Variants in C1QTNF8 observed in about 807,000 individuals in gnomAD.
C1QTNF8 encodes the protein complement C1q tumor necrosis factor-related protein 8.
C1QTNF8 carries 27 observed loss-of-function variants against 19.2 expected under a neutral mutation model. The ratio of observed to expected loss-of-function variants is 1.41; its 90% CI spans 1.04 to 1.94. The LOEUF (loss-of-function observed/expected upper bound fraction) is 1.94. Ranked by LOEUF, C1QTNF8 falls within the 30% of genes most tolerant of loss-of-function variation. C1QTNF8 has a pLI of 0.00. For synonymous variants in C1QTNF8, 208 were observed against 172.8 expected, an observed-to-expected ratio of 1.20 and a Z score of -1.60; for missense variants, 484 against 374.4, an observed-to-expected ratio of 1.29 and a Z score of -2.42.
chr16:1,094,951 G>A lies in C1QTNF8; in HGVS notation c.-11-18C>T. The A allele has an allele frequency of 8.8e-7, 1 of 1,135,024 alleles. No individual in the cohort carries two copies. The highest frequency in any genetic ancestry group is 2.8e-5 in the South Asian group (1 of 35,234). 70.3% of individuals were successfully genotyped at this position (1,135,024 alleles called of 1,614,324 possible). On this transcript the variant is annotated intron_variant, in intron 2 of 4. Transcript: ENST00000328449. ...GGCCAGGGCTGGGGGAGAGGAAAGA[G>A]GGGAGGGACTGAGAAGGAGGTGCCC...
chr16:1,094,502 C>T (rs919256030), intron 3 of C1QTNF8: 1 of 501,438 alleles, frequency 2.0e-6, no homozygotes, highest in Non-Finnish European at 3.5e-6. Flanking sequence ...ATCCTCAGCA[C>T]CCCACTTTGG....
At position 1,089,924 on chromosome 16, in the gene C1QTNF8, C is replaced by G. The variant is rs1384864658; in HGVS notation, c.*675G>C. On this transcript the variant is annotated 3_prime_UTR_variant, in exon 5 of 5. Coordinates refer to ENST00000328449, the MANE Select transcript of C1QTNF8 (RefSeq NM_207419.3). Reference sequence around the variant, plus strand: ...CGACCCCTGCCGGTTGCCGGGCGCCCTGGGTGTGTCCCGCTATCCCAGCCA... The same window carrying G: ...CGACCCCTGCCGGTTGCCGGGCGCCGTGGGTGTGTCCCGCTATCCCAGCCA... 1.3e-5 allele frequency: 2 copies of G among 152,370 alleles called. No homozygotes were observed. The highest frequency in any genetic ancestry group is 4.8e-5 in the African/African-American group (2 of 41,464). The allele number at this position is 152,370 out of a possible 1,614,324, so 9.4% of individuals were successfully genotyped here. A position where few individuals can be genotyped will look rare whatever the true frequency, so the allele number is the denominator to read the frequency against.
At chr16:1,091,571 G>A (rs1000610770) in intron 4 of C1QTNF8, among the ~76,000 whole-genome samples, 5 of 152,138 alleles carry the variant, frequency 3.3e-5, no homozygotes, top group African/African-American at 1.2e-4. Flanking sequence ...CTTGCCTGGA[G>A]GGACCGACCC....
rs892211942 is a variant in C1QTNF8 at position 1,088,837 on chromosome 16, G to A, written c.*1762C>T. The stretch of plus-strand genomic sequence containing the variant: ...TGACCCCTGCTGCTTCTTAGTATCC[G>A]CAGCTGCAACTACCTATAGGCCACG... On this transcript the variant is annotated 3_prime_UTR_variant, in exon 5 of 5. Coordinates refer to ENST00000328449, the MANE Select transcript of C1QTNF8 (RefSeq NM_207419.3). Among the ~76,000 whole-genome samples, 6 of 152,182 alleles carry A rather than the reference G, an allele frequency of 3.9e-5. No homozygotes were observed. Among genetic ancestry groups the A allele is most frequent in the African/African-American group, 9.7e-5 (4 of 41,438 alleles).
At chr16:1,092,525 A>G (rs1960571213) in intron 4 of C1QTNF8, among the ~76,000 whole-genome samples, 2 of 128,834 alleles carry the variant, frequency 1.6e-5, no homozygotes, top group African/African-American at 6.2e-5. Flanking sequence ...CGCTCAACCA[A>G]TCACAGCACA....
intron 3 of C1QTNF8, 107 bp from the exon 4 acceptor site, chr16:1,094,158 A>C: frequency 3.3e-6 from 3 of 900,226 alleles, no homozygotes; most frequent in Non-Finnish European, 4.5e-6. Flanking sequence ...GTAAGGACAC[A>C]CTCTTTGCAA....
chr16:1,093,598 A>G lies in C1QTNF8; in HGVS notation c.662T>C (p.Met221Thr). 1.9e-6 allele frequency: 3 copies of G among 1,602,872 alleles called. No individual in the cohort carries two copies. Among genetic ancestry groups the G allele is most frequent in the Non-Finnish European group, 2.6e-6 (3 of 1,175,080 alleles). Residue 221 changes from methionine (M) to threonine (T), a missense_variant, in exon 4 of 5, where the codon ATG (methionine) becomes ACG (threonine). Coordinates refer to ENST00000328449, the MANE Select transcript of C1QTNF8 (RefSeq NM_207419.3). ...GGCGTTGTCCCGGTCGCGCTGGAAC[A>G]TGCGCACCCAGACGGCGTCGCCCGC... ...LAAGDAVWVR[M>T]FQRDRDNAIY...
chr16:1,094,091 T>G (rs1279172845), intron 3 of C1QTNF8, 40 bp from the exon 4 acceptor site: 1 of 1,377,054 alleles, frequency 7.3e-7, no homozygotes, highest in African/African-American at 1.5e-5. Flanking sequence ...GGGGCCGGGC[T>G]GGGCAGGCCT....
At chr16:1,093,399 C>A in intron 4 of C1QTNF8, 98 bp downstream of exon 4, 1 of 614,034 alleles carries the variant, frequency 1.6e-6, no homozygotes, top group Non-Finnish European at 2.5e-6. Context: ...CCCACACCCA[C>A]CCACACACAC....
chr16:1,092,548 AATCAATCCCTGCACACAGTCGGCG>A, intron 4 of C1QTNF8, among the ~76,000 whole-genome samples: 2 of 125,178 alleles, frequency 1.6e-5, no homozygotes, highest in Admixed American at 7.5e-5. Flanking sequence ...GTCGGCGCTC[AATCAATCCCTGCACACAGTCGGCG>A]CTCAACCAAT....
In C1QTNF8 at chr16:1,089,275, G is replaced by A. The variant is rs1479981400; in HGVS notation, c.*1324C>T. Reference sequence around the variant, plus strand: ...CAAGAACCTCTGCATGGCCAGCCGGGACCCCCACCCCCAGCAGCCCATACC... The same window carrying A: ...CAAGAACCTCTGCATGGCCAGCCGGAACCCCCACCCCCAGCAGCCCATACC... On this transcript the variant is annotated 3_prime_UTR_variant, in exon 5 of 5. Transcript: ENST00000328449. Among the ~76,000 whole-genome samples, 1 of 152,098 alleles carries A rather than the reference G, an allele frequency of 6.6e-6. No homozygotes were observed. The highest frequency in any genetic ancestry group is 2.4e-5 in the African/African-American group (1 of 41,416).
chr16:1,094,082 G>A, intron 3 of C1QTNF8, 31 bp from the exon 4 acceptor site: 4 of 1,392,962 alleles, frequency 2.9e-6, no homozygotes, highest in Non-Finnish European at 3.7e-6. Context: ...CCACGGGTCG[G>A]GGCCGGGCTG....
chr16:1,096,113 C>T (rs1056683850), intron 1 of C1QTNF8, 43 bp downstream of exon 1: 1 of 152,356 alleles, frequency 6.6e-6, no homozygotes, highest in African/African-American at 2.4e-5. Flanking sequence ...CAACCAGCCC[C>T]AGGCCCTGTG....
rs760708755 is a variant in C1QTNF8 at position 1,093,802 on chromosome 16, G to A, written c.458C>T (p.Ala153Val). ...GGGCACCGTGCAGAGGAAGCGGCCCGCGGCCAGGTCGAAGGCGCCGTCCAG... is the reference window on the plus strand; with the variant it reads ...GGGCACCGTGCAGAGGAAGCGGCCCACGGCCAGGTCGAAGGCGCCGTCCAG... ...VNLDGAFDLA[A>V]GRFLCTVPGV... is the part of the protein sequence containing the mutation. Residue 153 changes from alanine (A) to valine (V), a missense_variant, in exon 4 of 5, where the codon GCG becomes GTG. Coordinates refer to ENST00000328449, the MANE Select transcript of C1QTNF8 (RefSeq NM_207419.3). 3.7e-6 allele frequency: 6 copies of A among 1,611,046 alleles called. No individual in the cohort carries two copies. The South Asian group carries it at 4.4e-5, about 12-fold the overall frequency.
chr16:1,088,698 G>A lies in C1QTNF8; in HGVS notation c.*1901C>T, dbSNP rs933463211. Among the ~76,000 whole-genome samples, 1 of 131,864 alleles carries A rather than the reference G, an allele frequency of 7.6e-6. No individual in the cohort carries two copies. Among genetic ancestry groups the A allele is most frequent in the African/African-American group, 3.0e-5 (1 of 32,984 alleles). The allele number at this position is 131,864 out of a possible 152,430, so 86.5% of individuals were successfully genotyped here. A position where few individuals can be genotyped will look rare whatever the true frequency, so the allele number is the denominator to read the frequency against. On this transcript the variant is annotated 3_prime_UTR_variant, in exon 5 of 5. Transcript: ENST00000328449. ...GCTCTCACAGGCATCTCCCCACCCC[G>A]GTTCTCTGAGAACCAGGGTCGCCAC... is the stretch of plus-strand genomic sequence containing the variant.
chr16:1,093,822 G>A lies in C1QTNF8; in HGVS notation c.438C>T (p.Asp146=), dbSNP rs764937370. ...GGCCCGCGGCCAGGTCGAAGGCGCC[G>A]TCCAGGTTCACCAGCTCCGTGTCGA... The part of the protein sequence containing the change: ...VPFDTELVNL[D]GAFDLAAGRF... Residue 146 remains aspartate (D), a synonymous_variant, in exon 4 of 5, where the codon GAC becomes GAT. Transcript: ENST00000328449. 3 of 1,609,368 alleles carry A rather than the reference G, an allele frequency of 1.9e-6. No individual in the cohort carries two copies. Among genetic ancestry groups the A allele is most frequent in the East Asian group, 4.5e-5 (2 of 44,866 alleles).
chr16:1,093,779 G>C lies in C1QTNF8; in HGVS notation c.481C>G (p.Pro161Ala). 1.2e-6 allele frequency: 2 copies of C among 1,612,066 alleles called. No individual in the cohort carries two copies. The change falls in exon 4 of 5, where the codon CCC (proline) becomes GCC (alanine). Residue 161 changes from proline (P) to alanine (A), a missense_variant. Pro to Ala is a conservative substitution (Grantham distance 27). Transcript: ENST00000328449. ...LAAGRFLCTV[P>A]GVYFLSLNVH... ...TTGAGGCTGAGGAAGTAGACGCCGG[G>C]CACCGTGCAGAGGAAGCGGCCCGCG...
rs1395767554 is a variant in C1QTNF8 at position 1,088,348 on chromosome 16, T to A, written c.*2251A>T. ...AGGGATGTCCCCGCGGGAAGCCGCG[T>A]TCCCCAGTCCCTTCCTGTGCGGTTG... On this transcript the variant is annotated 3_prime_UTR_variant, in exon 5 of 5. Transcript: ENST00000328449. Among the ~76,000 whole-genome samples the A allele has an allele frequency of 6.6e-6, 1 of 152,206 alleles. No homozygotes were observed. Among genetic ancestry groups the A allele is most frequent in the Non-Finnish European group, 1.5e-5 (1 of 68,028 alleles).
rs778673645 is a variant in C1QTNF8, at chr16:1,093,704, G to A, written c.556C>T (p.Arg186Trp). 3.7e-6 allele frequency: 6 copies of A among 1,611,630 alleles called. No homozygotes were observed. In the South Asian group the frequency reaches 6.6e-5, roughly 18 times the overall value. ...GCGTAGAGCACGGCCGCGGGCCGCC[G>A]GTTCAGCATGATGTGCAGGTAGGTC... ...KETYLHIMLN[R>W]RPAAVLYAQP... Residue 186 changes from arginine (R) to tryptophan (W), a missense_variant, in exon 4 of 5, where the codon CGG (arginine) becomes TGG (tryptophan). Coordinates refer to ENST00000328449, the MANE Select transcript of C1QTNF8 (RefSeq NM_207419.3).
Sources: gnomAD v4.1 joint callset for allele counts (sites outside exome capture counted in the v4.1 genomes callset) on GRCh38, gnomAD v4.1.1 for gene constraint, MANE v1.5 for transcripts, NCBI Gene and HGNC (gene_info 2026-07-23, HGNC 2026-07-21) for gene names.